The following RGS17 variants were observed in gnomAD, a reference collection of about 807,000 sequenced individuals.
RGS17 encodes regulator of G-protein signaling 17.
RGS17 carries 12 observed loss-of-function variants against 25.5 expected under a neutral mutation model. The observed-to-expected ratio is 0.47, with a 90% confidence interval of 0.30 to 0.76. The LOEUF is 0.76. Ranked by LOEUF, RGS17 falls within the 30% of genes least tolerant of loss-of-function variation. The pLI is 0.07. For synonymous variants in RGS17, 71 were observed against 76.9 expected (o/e 0.92, Z 0.40); for missense variants, 196 against 242.2 (o/e 0.81, Z 1.27).
In RGS17 at chr6:153,016,766, A is replaced by G. The variant is rs557443556; in HGVS notation, c.445-5004T>C. ...AGTCAAAAGAAGTGTAGCGAGGTCA[A>G]ATAATAAGGATAAACCCCATGGGGA... On this transcript the variant is annotated intron_variant, in intron 4 of 4. Coordinates refer to ENST00000206262, the MANE Select transcript of RGS17 (RefSeq NM_012419.5). 2.0e-5 allele frequency among the ~76,000 whole-genome samples: 3 copies of G among 152,312 alleles called. No individual in the cohort carries two copies. In the East Asian group the frequency reaches 5.8e-4, roughly 29 times the overall value.
Position 153,005,971 on chromosome 6 carries a change from CTAAAA to C in RGS17, c.*5598_*5602del, listed in dbSNP as rs1391962859. ...GTTTTTCTGTAAATCTAAAACTACT[CTAAAA>C]TAAAAGGTTTAATGGACACATTACT... On this transcript the variant is annotated 3_prime_UTR_variant, in exon 5 of 5. Coordinates refer to ENST00000206262, the MANE Select transcript of RGS17 (RefSeq NM_012419.5). The C allele has an allele frequency of 1.3e-5, 2 of 152,104 alleles. No homozygotes were observed. The highest frequency in any genetic ancestry group is 2.9e-5 in the Non-Finnish European group (2 of 68,008). The allele number at this position is 152,104 out of a possible 1,614,324, so 9.4% of individuals were successfully genotyped here.
intron 1 of RGS17, among the ~76,000 whole-genome samples, chr6:153,117,784 T>C (rs184689067): frequency 7.2e-5 from 11 of 152,368 alleles, no homozygotes; most frequent in Non-Finnish European, 1.5e-4. Context: ...TGAGCTGAGT[T>C]CTTTCCCATT....
chr6:153,021,607 G>T (rs1377061903), intron 4 of RGS17, among the ~76,000 whole-genome samples: 1 of 152,112 alleles, frequency 6.6e-6, no homozygotes, highest in African/African-American at 2.4e-5. Context: ...CTGTTGACAG[G>T]ATAGAAATCA....
intron 1 of RGS17, among the ~76,000 whole-genome samples, chr6:153,080,836 CTGTT>C (rs1776968098): frequency 1.3e-5 from 2 of 150,572 alleles, no homozygotes; most frequent in African/African-American, 4.9e-5. Flanking sequence ...CTCATTTCTC[CTGTT>C]TTTTTTTTAA....
rs186644357 is a variant in RGS17 at position 153,101,248 on chromosome 6, C to G, written c.-26+29876G>C. Among the ~76,000 whole-genome samples the G allele has an allele frequency of 7.2e-5, 11 of 152,288 alleles. No homozygotes were observed. The East Asian group carries it at 1.5e-3, about 21-fold the overall frequency. On this transcript the variant is annotated intron_variant, in intron 1 of 4. Transcript: ENST00000206262. ...TTGAACTGCGGAGTCCACTTATACACAGTTTTATTTTTTTCAACCAAAAGT... is the reference window on the plus strand; with the variant it reads ...TTGAACTGCGGAGTCCACTTATACAGAGTTTTATTTTTTTCAACCAAAAGT...
chr6:153,056,467 G>T (rs903304102), intron 1 of RGS17, among the ~76,000 whole-genome samples: 16 of 152,194 alleles, frequency 1.1e-4, no homozygotes, highest in African/African-American at 3.6e-4. Context: ...TATATGGAAA[G>T]TCTGACTGAT....
intron 2 of RGS17, among the ~76,000 whole-genome samples, chr6:153,030,000 C>T (rs1254662229): frequency 2.0e-5 from 3 of 152,226 alleles, no homozygotes. Context: ...TAAACACATA[C>T]ACAGTGCTCA....
In RGS17 at chr6:153,024,435, C is replaced by A; in HGVS notation, c.271G>T (p.Ala91Ser). The A allele has an allele frequency of 6.2e-7, 1 of 1,614,160 alleles. No homozygotes were observed. Among genetic ancestry groups the A allele is most frequent in the Non-Finnish European group, 8.5e-7 (1 of 1,180,000 alleles). ...CTGAAAAGGTTTCTTCCTGCTGGGG[C>A]CTTCATCATCTTGTCAAAATTTTGA... ...WSQNFDKMMKAPAGRNLFREF... is the reference protein window; with the variant it reads ...WSQNFDKMMKSPAGRNLFREF... Residue 91 changes from alanine to serine, a missense_variant, in exon 4 of 5, where the codon GCC (alanine) becomes TCC (serine). By Grantham distance (99) the Ala-to-Ser change is moderately conservative (BLOSUM62 1). Coordinates refer to ENST00000206262, the MANE Select transcript of RGS17 (RefSeq NM_012419.5).
intron 1 of RGS17, among the ~76,000 whole-genome samples, chr6:153,093,820 G>A (rs570401782): frequency 6.6e-6 from 1 of 152,110 alleles, no homozygotes; most frequent in African/African-American, 2.4e-5. Flanking sequence ...TGCAGTCAGG[G>A]GACTTGAACT....
chr6:153,015,999 T>C (rs982304088), intron 4 of RGS17, among the ~76,000 whole-genome samples: 1 of 152,224 alleles, frequency 6.6e-6, no homozygotes, highest in Admixed American at 6.5e-5. Context: ...TTTGTGCGAC[T>C]TGTTTTGTGG....
chr6:153,065,114 C>T (rs571350133), intron 1 of RGS17, among the ~76,000 whole-genome samples: 3 of 152,166 alleles, frequency 2.0e-5, no homozygotes, highest in Admixed American at 2.0e-4. Flanking sequence ...ATAAGGTATT[C>T]CATGCCAACA....
chr6:153,077,472 T>C (rs1277620017), intron 1 of RGS17, among the ~76,000 whole-genome samples: 2 of 152,244 alleles, frequency 1.3e-5, no homozygotes, highest in African/African-American at 4.8e-5. Flanking sequence ...AGATGGCCTT[T>C]ATTCTTTGAT....
chr6:153,040,144 G>T (rs1395753692), intron 2 of RGS17, among the ~76,000 whole-genome samples: 2 of 151,918 alleles, frequency 1.3e-5, no homozygotes, highest in East Asian at 1.9e-4. Flanking sequence ...AATTGCAAGG[G>T]CTATGAGGAG....
chr6:153,104,427 A>G (rs1291028143), intron 1 of RGS17, among the ~76,000 whole-genome samples: 2 of 152,228 alleles, frequency 1.3e-5, no homozygotes, highest in Non-Finnish European at 2.9e-5. Context: ...CCCAAGATAA[A>G]TGACTCTGAA....
intron 2 of RGS17, among the ~76,000 whole-genome samples, chr6:153,027,790 G>A (rs1173280253): frequency 6.6e-6 from 1 of 152,114 alleles, no homozygotes; most frequent in African/African-American, 2.4e-5. Context: ...ATGAACCATG[G>A]CTGCTGATAG....
intron 3 of RGS17, 95 bp downstream of exon 3, chr6:153,026,359 G>C: frequency 1.4e-6 from 1 of 690,822 alleles, no homozygotes. Context: ...TCATTTTGAA[G>C]AGTACCATGA....
At chr6:153,021,688 T>C (rs1779249651) in intron 4 of RGS17, among the ~76,000 whole-genome samples, 1 of 152,148 alleles carries the variant, frequency 6.6e-6, no homozygotes, top group Admixed American at 6.5e-5. Context: ...GTCGGCAAAA[T>C]TAGAACAAGT....
chr6:153,091,127 A>G (rs923960942), intron 1 of RGS17, among the ~76,000 whole-genome samples: 15 of 152,208 alleles, frequency 9.9e-5, no homozygotes, highest in Admixed American at 3.9e-4. Context: ...TTATATAGCC[A>G]GAAAGTTACA....
At chr6:153,032,080 C>T (rs575823570) in intron 2 of RGS17, among the ~76,000 whole-genome samples, 4 of 152,198 alleles carry the variant, frequency 2.6e-5, no homozygotes, top group East Asian at 1.9e-4. Context: ...TGATGTTTCA[C>T]TTACAAAAGA....
Sources: gnomAD v4.1 joint callset for allele counts (sites outside exome capture counted in the v4.1 genomes callset) on GRCh38, gnomAD v4.1.1 for gene constraint, MANE v1.5 for transcripts, NCBI Gene and HGNC (gene_info 2026-07-23, HGNC 2026-07-21) for gene names.